Variants in POLD2 observed in about 807,000 individuals in gnomAD.
POLD2 encodes DNA polymerase delta 2, accessory subunit, also known as DNA polymerase delta subunit 2.
A neutral mutation model predicts 48.8 loss-of-function variants in POLD2; 31 were observed. The ratio of observed to expected loss-of-function variants is 0.64; its 90% CI spans 0.48 to 0.86. The LOEUF is 0.86. POLD2 is among the 40% of genes least tolerant of loss of function. POLD2 has a pLI of 0.00. For missense variants in POLD2, 455 were observed against 610.1 expected, an observed-to-expected ratio of 0.75 and a Z score of 2.68; for synonymous variants, 233 against 256.3, an observed-to-expected ratio of 0.91 and a Z score of 0.87.
chr7:44,121,865 G>C lies in POLD2; in HGVS notation c.189C>G (p.Pro63=), dbSNP rs926998590. The part of the protein sequence containing the change: ...IYATRLIQMR[P]FLENRAQQHW... ...GCTGCTGGGCCCGGTTCTCCAGGAA[G>C]GGTCTCATTTGGATGAGGCGGGTGG... The change falls in exon 2 of 11, where the codon CCC becomes CCG. Residue 63 remains proline, a synonymous_variant. Transcript: ENST00000610533. This position sits in a 1 kb window ranked among gnomAD's most constrained non-coding sequence, Gnocchi z 4.5. 2 of 1,613,360 alleles carry C rather than the reference G, an allele frequency of 1.2e-6. No individual in the cohort carries two copies. The highest frequency in any genetic ancestry group is 1.7e-6 in the Non-Finnish European group (2 of 1,180,018).
rs895705302 is a variant in POLD2 at position 44,121,539 on chromosome 7, A to G, written c.220+295T>C. 9.2e-5 allele frequency among the ~76,000 whole-genome samples: 14 copies of G among 152,194 alleles called. No homozygotes were observed. Among genetic ancestry groups the G allele is most frequent in the Non-Finnish European group, 1.6e-4 (11 of 68,028 alleles). ...CTACAGCACAGGCAAATACCTGAATAATCTGCACTGAAGATAGGAAAACCA... is the reference window on the plus strand; with the variant it reads ...CTACAGCACAGGCAAATACCTGAATGATCTGCACTGAAGATAGGAAAACCA... On this transcript the variant is annotated intron_variant, in intron 2 of 10. Transcript: ENST00000610533. The surrounding 1 kb of genome is among the most constrained non-coding windows in gnomAD (Gnocchi z 4.5).
At chr7:44,123,577 C>A (rs1319193737), upstream of POLD2, 6 of 1,461,790 alleles carry the variant, frequency 4.1e-6, no homozygotes, top group Admixed American at 2.5e-5. Flanking sequence ...ACTCGCTAAT[C>A]CCCGCGCGGC....
chr7:44,115,779 G>A lies in POLD2; in HGVS notation c.1134C>T (p.Ala378=), dbSNP rs771338389. Residue 378 remains alanine (A), a synonymous_variant, in exon 9 of 11, where the codon GCC becomes GCT. Coordinates refer to ENST00000610533, the MANE Select transcript of POLD2 (RefSeq NM_006230.4). ...TGAGCCTGTTACCTAGAGTGTCAGG[G>A]GCTGTGGGGCTGATGTGACGGACCC... The part of the protein sequence containing the change: ...TLRVRHISPT[A]PDTLGCYPFY... The A allele has an allele frequency of 1.9e-6, 3 of 1,613,858 alleles. No homozygotes were observed. In the South Asian group the frequency reaches 3.3e-5, roughly 18 times the overall value.
chr7:44,123,687 A>T (rs559721857), upstream of POLD2: 162 of 1,355,104 alleles, frequency 1.2e-4, no homozygotes, highest in African/African-American at 1.6e-3. Flanking sequence ...AGTCCCTGGG[A>T]CGCCCAGAGA....
chr7:44,115,672 G>C, intron 9 of POLD2, 94 bp downstream of exon 9: 2 of 1,367,880 alleles, frequency 1.5e-6, no homozygotes, highest in Non-Finnish European at 2.0e-6. Context: ...AGCAATGCTG[G>C]CAAGTGCAAA....
At position 44,118,226 on chromosome 7, in the gene POLD2, T is replaced by A; in HGVS notation, c.221-162A>T. On this transcript the variant is annotated intron_variant, in intron 2 of 10. Coordinates refer to ENST00000610533, the MANE Select transcript of POLD2 (RefSeq NM_006230.4). ...GACCCCCTGGACTTCACGGTGACAGTAAAAAGTGAGTCAGCCACAGGAGAC... is the reference window on the plus strand; with the variant it reads ...GACCCCCTGGACTTCACGGTGACAGAAAAAAGTGAGTCAGCCACAGGAGAC... The A allele has an allele frequency of 1.3e-6, 1 of 762,412 alleles. No homozygotes were observed. Among genetic ancestry groups the A allele is most frequent in the Non-Finnish European group, 2.0e-6 (1 of 491,996 alleles). 47.2% of individuals were successfully genotyped at this position (762,412 alleles called of 1,614,324 possible).
Position 44,116,423 on chromosome 7 carries a change from C to A in POLD2, c.861+7G>T. 2 of 1,574,624 alleles carry A rather than the reference C, an allele frequency of 1.3e-6. No homozygotes were observed. The highest frequency in any genetic ancestry group is 2.3e-5 in the East Asian group (1 of 42,844). On this transcript the variant is annotated splice_region_variant and intron_variant, in intron 7 of 10. Transcript: ENST00000610533. The surrounding 1 kb of genome is among the most constrained non-coding windows in gnomAD (Gnocchi z 6.1). ...CCCATCACCCCTCCAGCCCCCAGCT[C>A]GCTCACGCTCAGCTGCAGGAGGATC...
upstream of POLD2, among the ~76,000 whole-genome samples, chr7:44,124,153 C>G (rs1003040343): frequency 1.3e-5 from 2 of 152,226 alleles, no homozygotes; most frequent in Non-Finnish European, 2.9e-5. Flanking sequence ...CAGCTGCACA[C>G]CAGCTTCCAG....
chr7:44,118,201 G>A, intron 2 of POLD2, 137 bp from the exon 3 acceptor site: 1 of 959,838 alleles, frequency 1.0e-6, no homozygotes, highest in South Asian at 1.7e-5. Flanking sequence ...CAAGTACAAG[G>A]ACCCCCTGGA....
chr7:44,117,140 T>G lies in POLD2; in HGVS notation c.574A>C (p.Thr192Pro). The change falls in exon 5 of 11, where the codon ACA (threonine) becomes CCA (proline). Residue 192 changes from threonine (T) to proline (P), a missense_variant. By Grantham distance (38) the Thr-to-Pro change is conservative. Coordinates refer to ENST00000610533, the MANE Select transcript of POLD2 (RefSeq NM_006230.4). ...APQKPAPPLD[T>P]DRFVLLVSGL... ...CCGAGAACTGCTGCTCACCTATCTG[T>G]GTCAAGTGGGGGTGCGGGCTTCTGG... 1 of 1,613,710 alleles carries G rather than the reference T, an allele frequency of 6.2e-7. No individual in the cohort carries two copies. Among genetic ancestry groups the G allele is most frequent in the Non-Finnish European group, 8.5e-7 (1 of 1,179,668 alleles).
chr7:44,123,626 C>A, upstream of POLD2: 2 of 1,398,304 alleles, frequency 1.4e-6, no homozygotes, highest in Non-Finnish European at 1.9e-6. Context: ...TCGCTGCCCT[C>A]CTCGCCCCGT....
At chr7:44,114,978 T>C (rs200900845) in intron 10 of POLD2, 33 bp from the exon 11 acceptor site, 5 of 1,569,896 alleles carry the variant, frequency 3.2e-6, no homozygotes, top group Admixed American at 3.6e-5. Context: ...CCACTGTAGG[T>C]TCCAAGTAAG....
upstream of POLD2, chr7:44,123,583 G>C (rs1256534043): frequency 6.9e-7 from 1 of 1,454,936 alleles, no homozygotes; most frequent in Admixed American, 2.6e-5. Context: ...TAATCCCCGC[G>C]CGGCTTCCCC....
chr7:44,115,102 C>T (rs1415471898), intron 10 of POLD2, among the ~76,000 whole-genome samples, 157 bp from the exon 11 acceptor site: 4 of 152,246 alleles, frequency 2.6e-5, no homozygotes, highest in Non-Finnish European at 4.4e-5. Context: ...GGCTGGGAGC[C>T]GTTCCAGTCC....
rs1402871323 is a variant in POLD2, at chr7:44,116,125, C to T, written c.1009G>A (p.Asp337Asn). ...LVTNPYQATI[D>N]GVRFLGTSGQ... ...GGCTGTGCCAGCTACCTGACTCCATCAATGGTGGCCTGGTAGGGGTTGGTG... is the reference window on the plus strand; with the variant it reads ...GGCTGTGCCAGCTACCTGACTCCATTAATGGTGGCCTGGTAGGGGTTGGTG... The change falls in exon 8 of 11, where the codon GAT becomes AAT. Residue 337 changes from aspartate to asparagine, a missense_variant. Physicochemically the swap from Asp to Asn is conservative, Grantham distance 23. Coordinates refer to ENST00000610533, the MANE Select transcript of POLD2 (RefSeq NM_006230.4). The surrounding 1 kb of genome is among the most constrained non-coding windows in gnomAD (Gnocchi z 6.1). 1.9e-6 allele frequency: 3 copies of T among 1,613,516 alleles called. No homozygotes were observed. The highest frequency in any genetic ancestry group is 2.5e-6 in the Non-Finnish European group (3 of 1,180,032).
upstream of POLD2, among the ~76,000 whole-genome samples, chr7:44,123,890 C>T (rs2096252156): frequency 6.6e-6 from 1 of 152,280 alleles, no homozygotes; most frequent in African/African-American, 2.4e-5. Flanking sequence ...GCCAGACCTC[C>T]CAGTGGTCGG....
chr7:44,124,115 G>A (rs893081634), upstream of POLD2, among the ~76,000 whole-genome samples: 2 of 152,318 alleles, frequency 1.3e-5, no homozygotes, highest in African/African-American at 4.8e-5. Context: ...ACGCATTGGC[G>A]GTTTCGGGGT....
In POLD2 at chr7:44,121,794, G is replaced by A; in HGVS notation, c.220+40C>T. ...TCTTGCAGAACACTTCTAAGTTCAGGGATGCTGTGGGGGAAGCACCTTCCC... is the reference window on the plus strand; with the variant it reads ...TCTTGCAGAACACTTCTAAGTTCAGAGATGCTGTGGGGGAAGCACCTTCCC... On this transcript the variant is annotated intron_variant, in intron 2 of 10. Coordinates refer to ENST00000610533, the MANE Select transcript of POLD2 (RefSeq NM_006230.4). This position sits in a 1 kb window ranked among gnomAD's most constrained non-coding sequence, Gnocchi z 4.5. 1 of 1,584,538 alleles carries A rather than the reference G, an allele frequency of 6.3e-7. No individual in the cohort carries two copies. The highest frequency in any genetic ancestry group is 8.6e-7 in the Non-Finnish European group (1 of 1,161,510).
In POLD2 at chr7:44,116,379, A is replaced by T. The variant is rs776651932; in HGVS notation, c.861+51T>A. On this transcript the variant is annotated intron_variant, in intron 7 of 10. Transcript: ENST00000610533. This position sits in a 1 kb window ranked among gnomAD's most constrained non-coding sequence, Gnocchi z 6.1. ...TGCCTGCCTTCTGTTGCCCAGTGGC[A>T]GCTTTGAAGACTGCAATCCCCATCA... is the stretch of plus-strand genomic sequence containing the variant. 1.3e-6 allele frequency: 2 copies of T among 1,583,442 alleles called. No individual in the cohort carries two copies. Among genetic ancestry groups the T allele is most frequent in the Non-Finnish European group, 1.7e-6 (2 of 1,162,346 alleles).
Sources: allele counts gnomAD v4.1 joint callset (sites outside exome capture counted in the v4.1 genomes callset), GRCh38; gene constraint gnomAD v4.1.1; non-coding constraint Gnocchi (gnomAD v3.1); transcripts MANE v1.5; gene names NCBI Gene and HGNC (gene_info 2026-07-23, HGNC 2026-07-21).